Variants in DPYD observed in about 807,000 individuals in gnomAD.
DPYD encodes the protein dihydropyrimidine dehydrogenase [NADP(+)].
DPYD carries 109 observed loss-of-function variants against 116.2 expected under a neutral mutation model. That is an observed-to-expected ratio of 0.94 (90% CI 0.80 to 1.10). The LOEUF (loss-of-function observed/expected upper bound fraction) is 1.10, where lower values mean the gene tolerates loss of function less well. Among genes scored for constraint, DPYD ranks in the 50% least tolerant of loss-of-function variants. The pLI, the probability that DPYD is intolerant of heterozygous loss-of-function variation, is 0.00. For missense variants in DPYD, 1,302 were observed against 1,254.5 expected (o/e 1.04, Z -0.57); for synonymous variants, 440 against 432.0 (o/e 1.02, Z -0.23).
intron 18 of DPYD, among the ~76,000 whole-genome samples, chr1:97,240,639 T>C (rs1662272203): frequency 1.3e-5 from 2 of 152,014 alleles, no homozygotes; most frequent in Non-Finnish European, 2.9e-5. Flanking sequence ...TAAAATATAA[T>C]GAATTAAGTG....
intron 3 of DPYD, among the ~76,000 whole-genome samples, chr1:97,819,597 C>T (rs1020241136): frequency 6.6e-6 from 1 of 151,830 alleles, no homozygotes; most frequent in Non-Finnish European, 1.5e-5. Context: ...TTTGTTAATA[C>T]TTTCTCATTT....
chr1:97,341,364 AGATT>A (rs1669578593), intron 16 of DPYD, among the ~76,000 whole-genome samples: 1 of 152,178 alleles, frequency 6.6e-6, no homozygotes, highest in African/African-American at 2.4e-5. Context: ...AGATATGCTT[AGATT>A]GATATTTCTA....
At chr1:97,820,116 T>C (rs1668844472) in intron 3 of DPYD, among the ~76,000 whole-genome samples, 1 of 152,140 alleles carries the variant, frequency 6.6e-6, no homozygotes, top group African/African-American at 2.4e-5. Context: ...AGTATCAGTG[T>C]AATTCAACCA....
chr1:97,404,210 G>A (rs1395631510), intron 14 of DPYD, among the ~76,000 whole-genome samples: 3 of 152,022 alleles, frequency 2.0e-5, no homozygotes, highest in Non-Finnish European at 2.9e-5. Context: ...GGTCCAGAAT[G>A]TGGTCTATCT....
At chr1:97,384,226 A>G (rs1431655969) in intron 14 of DPYD, among the ~76,000 whole-genome samples, 1 of 147,762 alleles carries the variant, frequency 6.8e-6, no homozygotes, top group Non-Finnish European at 1.5e-5. Context: ...CACTACATAG[A>G]GCTTTTTTAT....
At chr1:97,789,540 T>G (rs1290246238) in intron 3 of DPYD, among the ~76,000 whole-genome samples, 2 of 152,366 alleles carry the variant, frequency 1.3e-5, no homozygotes, top group Non-Finnish European at 2.9e-5. Flanking sequence ...AAAATGAATT[T>G]TAGGCTTTCA....
intron 5 of DPYD, among the ~76,000 whole-genome samples, chr1:97,705,456 C>T (rs1198088753): frequency 2.6e-5 from 4 of 152,048 alleles, no homozygotes; most frequent in Non-Finnish European, 4.4e-5. Context: ...CTACAAAGGA[C>T]ATGAACTCAT....
rs948923890 is a variant in DPYD, at chr1:97,492,389, C to T, written c.1740+23337G>A. 6.2e-4 allele frequency among the ~76,000 whole-genome samples: 95 copies of T among 152,178 alleles called. 1 individual carries two copies. Among genetic ancestry groups the T allele is most frequent in the African/African-American group, 1.8e-3 (73 of 41,532 alleles). ...TGTAAGTATTGACTGTGGTGAGAGA[C>T]TTAAAATGACTTTAAGGAAAATCTC... is the stretch of plus-strand genomic sequence containing the variant. On this transcript the variant is annotated intron_variant, in intron 13 of 22. Coordinates refer to ENST00000370192, the MANE Select transcript of DPYD (RefSeq NM_000110.4).
intron 13 of DPYD, among the ~76,000 whole-genome samples, chr1:97,476,590 A>G (rs2101868089): frequency 6.6e-6 from 1 of 152,326 alleles, no homozygotes; most frequent in Middle Eastern, 3.4e-3. Context: ...AAAACTTGAA[A>G]GTAATTAGGC....
At chr1:97,143,076 T>C (rs1286844380) in intron 20 of DPYD, among the ~76,000 whole-genome samples, 1 of 152,034 alleles carries the variant, frequency 6.6e-6, no homozygotes, top group Non-Finnish European at 1.5e-5. Flanking sequence ...AAATGCATGC[T>C]TTTTTTAAAT....
intron 12 of DPYD, among the ~76,000 whole-genome samples, chr1:97,534,413 A>G (rs954682282): frequency 6.6e-6 from 1 of 152,120 alleles, no homozygotes; most frequent in African/African-American, 2.4e-5. Flanking sequence ...CTCAGCTGGA[A>G]CTCAAAAAAA....
At position 97,188,243 on chromosome 1, in the gene DPYD, T is replaced by A. The variant is rs527657232; in HGVS notation, c.2622+4826A>T. The stretch of plus-strand genomic sequence containing the variant: ...AGAGCCTTTTAATGAGCACAGATTA[T>A]GTTCATTTATTAATATCACCAATAT... On this transcript the variant is annotated intron_variant, in intron 20 of 22. Coordinates refer to ENST00000370192, the MANE Select transcript of DPYD (RefSeq NM_000110.4). Among the ~76,000 whole-genome samples the A allele has an allele frequency of 3.3e-5, 5 of 152,310 alleles. No homozygotes were observed. The South Asian group carries it at 1.0e-3, about 32-fold the overall frequency.
intron 11 of DPYD, among the ~76,000 whole-genome samples, chr1:97,561,608 A>G (rs1029830997): frequency 6.6e-6 from 1 of 152,204 alleles, no homozygotes; most frequent in Admixed American, 6.5e-5. Context: ...TGTGTAGCAA[A>G]CATATTTAAT....
chr1:97,740,875 T>G (rs1664227361), intron 3 of DPYD, among the ~76,000 whole-genome samples: 1 of 152,180 alleles, frequency 6.6e-6, no homozygotes, highest in Admixed American at 6.5e-5. Flanking sequence ...AATGCAAAGA[T>G]TAAAGGTAAA....
rs1457711619 is a variant in DPYD, at chr1:97,722,530, A to G, written c.322-859T>C. Among the ~76,000 whole-genome samples, 4 of 151,600 alleles carry G rather than the reference A, an allele frequency of 2.6e-5. No individual in the cohort carries two copies. The East Asian group carries it at 5.8e-4, about 22-fold the overall frequency. ...TCTGTACTACTGTCACAATTTTTCC[A>G]TAAATCTAAAACTGCTCTAAAATAC... On this transcript the variant is annotated intron_variant, in intron 4 of 22. Coordinates refer to ENST00000370192, the MANE Select transcript of DPYD (RefSeq NM_000110.4).
chr1:97,280,895 C>T (rs1379743107), intron 18 of DPYD, among the ~76,000 whole-genome samples: 4 of 152,088 alleles, frequency 2.6e-5, no homozygotes. Context: ...TAAATCTTAT[C>T]TCCACAAAGA....
chr1:97,486,042 G>GT (rs1184161030), intron 13 of DPYD, among the ~76,000 whole-genome samples: 1 of 152,146 alleles, frequency 6.6e-6, no homozygotes, highest in Non-Finnish European at 1.5e-5. Flanking sequence ...TTAATACAAT[G>GT]TATTAGTTAA....
intron 3 of DPYD, among the ~76,000 whole-genome samples, chr1:97,761,797 T>A (rs910562946): frequency 2.0e-5 from 3 of 152,092 alleles, no homozygotes; most frequent in Non-Finnish European, 2.9e-5. Context: ...CAGTGTTATA[T>A]ATACACACCA....
chr1:97,586,461 CATACATATATATAT>C (rs1476897685), intron 10 of DPYD, among the ~76,000 whole-genome samples: 20 of 46,608 alleles, frequency 4.3e-4, no homozygotes, highest in African/African-American at 1.1e-3. Flanking sequence ...AAAATACATA[CATACATATATATAT>C]ATATATATAT....
Sources: allele counts gnomAD v4.1 joint callset (sites outside exome capture counted in the v4.1 genomes callset), GRCh38; gene constraint gnomAD v4.1.1; transcripts MANE v1.5; gene names NCBI Gene and HGNC (gene_info 2026-07-23, HGNC 2026-07-21).